HHIPL1: variants seen among roughly 807,000 people sequenced by gnomAD.
The protein encoded by HHIPL1 is HHIP like 1, also known as HHIP-like protein 1.
HHIPL1 carries 43 observed loss-of-function variants against 61.8 expected under a neutral mutation model. The observed-to-expected ratio is 0.70, with a 90% CI of 0.55 to 0.90. The LOEUF (loss-of-function observed/expected upper bound fraction) is 0.90, where lower values mean the gene tolerates loss of function less well. Among genes scored for constraint, HHIPL1 ranks in the 40% least tolerant of loss-of-function variants. HHIPL1 has a pLI of 0.00. For synonymous variants in HHIPL1, 482 were observed against 515.8 expected (o/e 0.93, Z 0.89); for missense variants, 1,056 against 1,157.7 (o/e 0.91, Z 1.28).
chr14:99,618,778 C>A, the HHIPL1 span, among the ~76,000 whole-genome samples: 2 of 152,270 alleles, frequency 1.3e-5, no homozygotes, highest in Non-Finnish European at 2.9e-5. Flanking sequence ...GGCTCAGACA[C>A]CCCAGGAACA....
the HHIPL1 span, among the ~76,000 whole-genome samples, chr14:99,621,009 T>C: frequency 8.5e-5 from 13 of 152,224 alleles, no homozygotes; most frequent in Non-Finnish European, 1.6e-4. Context: ...TAAGAGAGCA[T>C]GGCCATCTCA....
At chr14:99,625,062 G>C in the HHIPL1 span, 2 of 152,256 alleles carry the variant, frequency 1.3e-5, no homozygotes, top group African/African-American at 4.8e-5. Flanking sequence ...CTGGCAAGGG[G>C]TGCAGCCGCA....
intron 7 of HHIPL1, chr14:99,669,326 A>C: frequency 9.8e-7 from 1 of 1,018,744 alleles, no homozygotes; most frequent in African/African-American, 1.7e-5. Flanking sequence ...CTTCCACAGC[A>C]GTCTGAACGT....
At position 99,652,227 on chromosome 14, in the gene HHIPL1, T is replaced by A; in HGVS notation, c.259T>A (p.Cys87Ser). 6.3e-7 allele frequency: 1 copy of A among 1,594,354 alleles called. No homozygotes were observed. Among genetic ancestry groups the A allele is most frequent in the Non-Finnish European group, 8.6e-7 (1 of 1,168,790 alleles). ...TGAGCCATTACTGTCTCTGCAGGAA[T>A]GCTCGCCGTATGCAGCCCACCTCTA... ...GYARDLLCQE[C>S]SPYAAHLYDA... The change falls in exon 2 of 9, where the codon TGC becomes AGC. Residue 87 changes from cysteine to serine, a missense_variant. Physicochemically the swap from Cys to Ser is moderately radical, Grantham distance 112 (BLOSUM62 -1). Coordinates refer to ENST00000330710, the MANE Select transcript of HHIPL1 (RefSeq NM_001127258.3).
At position 99,660,632 on chromosome 14, in the gene HHIPL1, A is replaced by T. The variant is rs1464702991; in HGVS notation, c.1502+226A>T. ...TCAGTACCTCTATGATAGACACACA[A>T]CTCATGGCATTAAAGACTGGAGGCT... is the stretch of plus-strand genomic sequence containing the variant. On this transcript the variant is annotated intron_variant, in intron 5 of 8. Transcript: ENST00000330710. This position sits in a 1 kb window ranked among gnomAD's most constrained non-coding sequence, Gnocchi z 4.9. Among the ~76,000 whole-genome samples, 3 of 151,968 alleles carry T rather than the reference A, an allele frequency of 2.0e-5. No individual in the cohort carries two copies. The highest frequency in any genetic ancestry group is 4.4e-5 in the Non-Finnish European group (3 of 67,962).
At position 99,672,279 on chromosome 14, in the gene HHIPL1, C is replaced by G. The variant is rs773057321; in HGVS notation, c.1731-38C>G. The G allele has an allele frequency of 1.8e-5, 28 of 1,530,664 alleles. No homozygotes were observed. The African/African-American group carries it at 3.6e-4, about 20-fold the overall frequency. The allele number at this position is 1,530,664 out of a possible 1,614,324, so 94.8% of individuals were successfully genotyped here. On this transcript the variant is annotated intron_variant, in intron 7 of 8. Transcript: ENST00000330710. Reference sequence around the variant, plus strand: ...AAAAGGCACCCTCAGGGTGGGCTCCCAGGGTGAGACTCATAACCTCCTGTG... The same window carrying G: ...AAAAGGCACCCTCAGGGTGGGCTCCGAGGGTGAGACTCATAACCTCCTGTG...
the HHIPL1 span, among the ~76,000 whole-genome samples, chr14:99,604,906 G>A: frequency 2.0e-5 from 3 of 152,068 alleles, no homozygotes; most frequent in Non-Finnish European, 2.9e-5. Flanking sequence ...AGGCTCCTCC[G>A]CCCCCGTCCC....
Position 99,665,128 on chromosome 14 carries a change from T to C in HHIPL1, c.1648+2107T>C, listed in dbSNP as rs796266724. On this transcript the variant is annotated intron_variant, in intron 6 of 8. Transcript: ENST00000330710. ...TTTTAGTAGAGATGGGGTTTCATCA[T>C]GTTGGCTAGCCTGGTCTCGAACCCC... Among the ~76,000 whole-genome samples, 21 of 152,208 alleles carry C rather than the reference T, an allele frequency of 1.4e-4. 1 individual carries two copies. The highest frequency in any genetic ancestry group is 4.8e-4 in the African/African-American group (20 of 41,544).
chr14:99,674,093 G>A (rs924379366), intron 8 of HHIPL1, among the ~76,000 whole-genome samples: 4 of 151,890 alleles, frequency 2.6e-5, no homozygotes, highest in African/African-American at 9.7e-5. Context: ...CTGGGCCCTG[G>A]CCTGTGCTTG....
rs1403321017 is a variant in HHIPL1 at position 99,672,328 on chromosome 14, C to A, written c.1742C>A (p.Pro581His). 6.4e-7 allele frequency: 1 copy of A among 1,551,066 alleles called. No homozygotes were observed. Among genetic ancestry groups the A allele is most frequent in the Non-Finnish European group, 8.7e-7 (1 of 1,146,934 alleles). The part of the protein sequence containing the change: ...KIIDASRRAP[P>H]GKCQIQPAQV... The stretch of plus-strand genomic sequence containing the variant: ...TGTGTCGTTGGCAGGCGGGCACCAC[C>A]TGGCAAATGTCAGATCCAGCCTGCT... Residue 581 changes from proline (P) to histidine (H), a missense_variant, in exon 8 of 9, where the codon CCT becomes CAT. Pro to His is a moderately conservative substitution (Grantham distance 77). Coordinates refer to ENST00000330710, the MANE Select transcript of HHIPL1 (RefSeq NM_001127258.3).
At chr14:99,620,931 GC>G in the HHIPL1 span, among the ~76,000 whole-genome samples, 1 of 152,198 alleles carries the variant, frequency 6.6e-6, no homozygotes, top group Non-Finnish European at 1.5e-5. Context: ...TTCTCTGAAG[GC>G]AACACTCGGG....
In HHIPL1 at chr14:99,652,363, A is replaced by G; in HGVS notation, c.395A>G (p.Asp132Gly). 6.2e-7 allele frequency: 1 copy of G among 1,614,148 alleles called. No individual in the cohort carries two copies. The highest frequency in any genetic ancestry group is 1.1e-5 in the South Asian group (1 of 91,080). Reference sequence around the variant, plus strand: ...GGGCTGTTCCGTCACCTGTCAACTGACCAGGAGCTCTGGGCGCTGGAGGGC... The same window carrying G: ...GGGCTGTTCCGTCACCTGTCAACTGGCCAGGAGCTCTGGGCGCTGGAGGGC... Reference protein sequence around the residue: ...CRGLFRHLSTDQELWALEGNL... With the variant: ...CRGLFRHLSTGQELWALEGNL... The change falls in exon 2 of 9, where the codon GAC becomes GGC. Residue 132 changes from aspartate (D) to glycine (G), a missense_variant. Coordinates refer to ENST00000330710, the MANE Select transcript of HHIPL1 (RefSeq NM_001127258.3).
chr14:99,637,703 C>G, the HHIPL1 span, among the ~76,000 whole-genome samples: 1 of 152,172 alleles, frequency 6.6e-6, no homozygotes, highest in Non-Finnish European at 1.5e-5. Context: ...GTTCCCTGAG[C>G]AGAGGAAAAG....
chr14:99,612,689 T>A, the HHIPL1 span, among the ~76,000 whole-genome samples: 1 of 152,094 alleles, frequency 6.6e-6, no homozygotes, highest in Non-Finnish European at 1.5e-5. Flanking sequence ...ACCCGTGATA[T>A]GGGGGTGTTT....
Position 99,652,586 on chromosome 14 carries a change from C to G in HHIPL1, c.618C>G (p.Thr206=). 6.2e-7 allele frequency: 1 copy of G among 1,613,154 alleles called. No individual in the cohort carries two copies. The change falls in exon 2 of 9, where the codon ACC becomes ACG. Residue 206 remains threonine, a synonymous_variant. Transcript: ENST00000330710. Reference sequence around the variant, plus strand: ...CCATGGTCCATGCCAGGGATGGCACCCACCGCTTCTTCGTGGCCGAGCAGG... The same window carrying G: ...CCATGGTCCATGCCAGGGATGGCACGCACCGCTTCTTCGTGGCCGAGCAGG... ...PVAMVHARDG[T]HRFFVAEQVG... is the part of the protein sequence containing the mutation.
At chr14:99,629,916 C>T in the HHIPL1 span, among the ~76,000 whole-genome samples, 1 of 152,240 alleles carries the variant, frequency 6.6e-6, no homozygotes, top group Non-Finnish European at 1.5e-5. Context: ...AAAGTGTTCT[C>T]ATTTTCCCTT....
At chr14:99,614,327 C>T in the HHIPL1 span, among the ~76,000 whole-genome samples, 53 of 152,228 alleles carry the variant, frequency 3.5e-4, no homozygotes, top group East Asian at 9.3e-3. Context: ...AAGAGTAGCT[C>T]GCCCAGCTCA....
chr14:99,655,594 G>A (rs1268988614), intron 2 of HHIPL1, among the ~76,000 whole-genome samples: 2 of 152,052 alleles, frequency 1.3e-5, no homozygotes, highest in Non-Finnish European at 2.9e-5. Context: ...ACTGCACTCC[G>A]GCCTGGGTGG....
chr14:99,660,821 A>C lies in HHIPL1; in HGVS notation c.1502+415A>C, dbSNP rs895140769. On this transcript the variant is annotated intron_variant, in intron 5 of 8. Coordinates refer to ENST00000330710, the MANE Select transcript of HHIPL1 (RefSeq NM_001127258.3). The surrounding 1 kb of genome is among the most constrained non-coding windows in gnomAD (Gnocchi z 4.9). ...CCACAGCTTGTCACTGCAACAGCTG[A>C]TGGGGGCCTGGAGCCCTGCCCCACC... Among the ~76,000 whole-genome samples the C allele has an allele frequency of 9.9e-5, 15 of 152,142 alleles. No individual in the cohort carries two copies. Among genetic ancestry groups the C allele is most frequent in the African/African-American group, 2.9e-4 (12 of 41,418 alleles).
Sources: allele counts gnomAD v4.1 joint callset (sites outside exome capture counted in the v4.1 genomes callset), GRCh38; gene constraint gnomAD v4.1.1; non-coding constraint Gnocchi (gnomAD v3.1); transcripts MANE v1.5; gene names NCBI Gene and HGNC (gene_info 2026-07-23, HGNC 2026-07-21).